The following RASGEF1B variants were observed in gnomAD, a reference collection of about 807,000 sequenced individuals.
RASGEF1B encodes the protein RasGEF domain family member 1B.
In RASGEF1B, 30 loss-of-function variants were observed where a neutral mutation model predicts 65.7. The observed-to-expected ratio is 0.46, with a 90% CI of 0.34 to 0.62. RASGEF1B has a LOEUF of 0.62. RASGEF1B is among the 20% of genes least tolerant of loss of function. The probability of loss-of-function intolerance (pLI) is 0.01; values close to 1 mark genes in which losing one functional copy is unlikely to be tolerated. For synonymous variants in RASGEF1B, 175 were observed against 194.8 expected, an observed-to-expected ratio of 0.90 and a Z score of 0.85; for missense variants, 495 against 580.1, an observed-to-expected ratio of 0.85 and a Z score of 1.51.
chr4:81,445,270 T>C (rs1578623264), intron 8 of RASGEF1B, among the ~76,000 whole-genome samples: 1 of 152,354 alleles, frequency 6.6e-6, no homozygotes, highest in East Asian at 1.9e-4. Context: ...GACAAATATC[T>C]TATGTATAAG....
chr4:81,471,209 T>C (rs1035141384), intron 1 of RASGEF1B: 3 of 151,994 alleles, frequency 2.0e-5, no homozygotes, highest in Non-Finnish European at 2.9e-5. Context: ...AGACTTTAGA[T>C]TACATGGCAC....
intron 10 of RASGEF1B, among the ~76,000 whole-genome samples, chr4:81,437,930 A>C (rs1428966262): frequency 6.6e-6 from 1 of 152,236 alleles, no homozygotes; most frequent in Non-Finnish European, 1.5e-5. Context: ...TAGTAGGAGA[A>C]AGCAAAAGTT....
At chr4:81,464,940 C>A (rs557970428) in intron 1 of RASGEF1B, among the ~76,000 whole-genome samples, 2 of 151,854 alleles carry the variant, frequency 1.3e-5, no homozygotes, top group Admixed American at 1.3e-4. Context: ...CAAAATTAGC[C>A]GGGCATGGTG....
chr4:81,459,917 G>A (rs1158056246), intron 1 of RASGEF1B, among the ~76,000 whole-genome samples: 2 of 152,168 alleles, frequency 1.3e-5, no homozygotes, highest in Non-Finnish European at 2.9e-5. Flanking sequence ...TTAAAATTTG[G>A]TTGGGAAAAG....
At chr4:81,432,697 T>TGGGA (rs112445543) in intron 12 of RASGEF1B, among the ~76,000 whole-genome samples, 11,345 of 152,054 alleles carry the variant, frequency 0.075, 1,417 homozygotes, top group African/African-American at 0.26. Context: ...AAGAAAGGGG[T>TGGGA]GGGAGTTCTT....
At chr4:81,441,698 C>T (rs1721843794) in intron 9 of RASGEF1B, among the ~76,000 whole-genome samples, 1 of 152,006 alleles carries the variant, frequency 6.6e-6, no homozygotes, top group Non-Finnish European at 1.5e-5. Context: ...CATGCCACCA[C>T]ACCTGGCTAA....
At chr4:81,466,790 G>GAAAGAAAGAAAGAAAGA (rs1722842165) in intron 1 of RASGEF1B, among the ~76,000 whole-genome samples, 1 of 142,726 alleles carries the variant, frequency 7.0e-6, no homozygotes, top group South Asian at 2.2e-4. Context: ...AAGAAAGAAA[G>GAAAGAAAGAAAGAAAGA]AAAGAAAGAA....
At chr4:81,447,055 A>G (rs1246731936) in intron 6 of RASGEF1B, among the ~76,000 whole-genome samples, 2 of 152,188 alleles carry the variant, frequency 1.3e-5, no homozygotes, top group African/African-American at 4.8e-5. Context: ...CTCTCATGAG[A>G]GATTCACCTT....
intron 12 of RASGEF1B, among the ~76,000 whole-genome samples, chr4:81,432,982 T>C (rs1441735554): frequency 6.6e-6 from 1 of 150,734 alleles, no homozygotes; most frequent in Non-Finnish European, 1.5e-5. Context: ...TTTGAGAGGC[T>C]GTGGGCAGAT....
chr4:81,453,777 TCA>T (rs1722349783), intron 4 of RASGEF1B: 1 of 152,182 alleles, frequency 6.6e-6, no homozygotes. Context: ...AGGACATCGA[TCA>T]CACAGTTTCA....
At position 81,438,921 on chromosome 4, in the gene RASGEF1B, C is replaced by T. The variant is rs182097273; in HGVS notation, c.1104+1913G>A. 2.1e-3 allele frequency among the ~76,000 whole-genome samples: 323 copies of T among 152,192 alleles called. 2 individuals are homozygous for T. Among genetic ancestry groups the T allele is most frequent in the African/African-American group, 7.3e-3 (305 of 41,502 alleles). ...ATGATCTCATTCCTTTTTATGGCTG[C>T]ATAGTATTCCATGGTGTATATGTAC... On this transcript the variant is annotated intron_variant, in intron 10 of 13. Transcript: ENST00000264400.
chr4:81,457,689 T>G, intron 2 of RASGEF1B, 68 bp from the exon 3 acceptor site: 1 of 1,554,360 alleles, frequency 6.4e-7, no homozygotes, highest in Non-Finnish European at 8.8e-7. Context: ...CTTTATACTA[T>G]GTCTTATTTC....
At chr4:81,445,979 C>T in intron 6 of RASGEF1B, 141 bp from the exon 7 acceptor site, 2 of 636,844 alleles carry the variant, frequency 3.1e-6, no homozygotes, top group Non-Finnish European at 5.5e-6. Flanking sequence ...GAGAGAAAGA[C>T]AACCACTGGC....
At chr4:81,451,229 T>C (rs890943274) in intron 4 of RASGEF1B, 10 of 152,218 alleles carry the variant, frequency 6.6e-5, no homozygotes, top group Admixed American at 3.3e-4. Flanking sequence ...GACTTAATCT[T>C]CTTTGCTAAG....
At chr4:81,438,933 T>C (rs186253264) in intron 10 of RASGEF1B, among the ~76,000 whole-genome samples, 3,484 of 152,264 alleles carry the variant, frequency 0.023, 80 homozygotes, top group Admixed American at 0.079. Flanking sequence ...TAGTATTCCA[T>C]GGTGTATATG....
At chr4:81,435,299 T>TA (rs548970105) in intron 10 of RASGEF1B, among the ~76,000 whole-genome samples, 50 of 150,184 alleles carry the variant, frequency 3.3e-4, no homozygotes, top group African/African-American at 1.1e-3. Flanking sequence ...TAGTCCCAGC[T>TA]ACTCGGGAGG....
At chr4:81,430,161 C>T (rs1044600816) in intron 13 of RASGEF1B, among the ~76,000 whole-genome samples, 5 of 152,100 alleles carry the variant, frequency 3.3e-5, no homozygotes, top group African/African-American at 4.8e-5. Flanking sequence ...ATTAGCCGGG[C>T]GTGGTGGCGG....
In RASGEF1B at chr4:81,427,791, A is replaced by G. The variant is rs780475956; in HGVS notation, c.1399T>C (p.Ser467Pro). The G allele has an allele frequency of 1.2e-6, 2 of 1,614,020 alleles. No individual in the cohort carries two copies. The highest frequency in any genetic ancestry group is 3.3e-5 in the Admixed American group (2 of 60,014). The change falls in exon 14 of 14, where the codon TCG (serine) becomes CCG (proline). Residue 467 changes from serine (S) to proline (P), a missense_variant and splice_region_variant. Ser to Pro is a moderately conservative substitution (Grantham distance 74). Transcript: ENST00000264400. The stretch of plus-strand genomic sequence containing the variant: ...TGTTAAACTCTGCCTAAGAGGCTCG[A>G]CCTGAGTAATAAAAACAACACAACC... ...IEKDRWKSLRSSLLGRV is the reference protein window; with the variant it reads ...IEKDRWKSLRPSLLGRV
chr4:81,428,348 A>T (rs1363337035), intron 13 of RASGEF1B, among the ~76,000 whole-genome samples: 4 of 152,184 alleles, frequency 2.6e-5, no homozygotes, highest in East Asian at 1.9e-4. Flanking sequence ...AGGTACAATG[A>T]TTCCAGAATA....
Sources: allele counts gnomAD v4.1 joint callset (sites outside exome capture counted in the v4.1 genomes callset), GRCh38; gene constraint gnomAD v4.1.1; transcripts MANE v1.5; gene names NCBI Gene and HGNC (gene_info 2026-07-23, HGNC 2026-07-21).